DMD: variants seen among roughly 807,000 people sequenced by gnomAD.
DMD encodes mutant dystrophin.
A neutral mutation model predicts 330.1 loss-of-function variants in DMD; 63 were observed. The ratio of observed to expected loss-of-function variants is 0.19; its 90% CI spans 0.16 to 0.24. The LOEUF (loss-of-function observed/expected upper bound fraction) is 0.24. Among genes scored for constraint, DMD ranks in the 10% least tolerant of loss-of-function variants. DMD has a pLI of 1.00. For missense variants in DMD, 3,344 were observed against 2,684.1 expected, an observed-to-expected ratio of 1.25 and a Z score of -5.43; for synonymous variants, 1,223 against 959.8, an observed-to-expected ratio of 1.27 and a Z score of -5.07.
At chrX:32,751,765 TTTG>T (rs1404436316) in intron 7 of DMD, among the ~76,000 whole-genome samples, 2 of 111,720 alleles carry the variant, frequency 1.8e-5, no homozygotes, top group Non-Finnish European at 3.8e-5. Flanking sequence ...AAAAAATGGT[TTTG>T]TGGGCTAGGC....
intron 55 of DMD, among the ~76,000 whole-genome samples, chrX:31,521,677 T>C (rs2072777237): frequency 1.8e-5 from 2 of 111,907 alleles, no homozygotes; most frequent in African/African-American, 6.5e-5. Flanking sequence ...AAGGCAGGGG[T>C]AGAAAAGCTG....
At chrX:32,635,232 GTATAGGTGATAGAATATTGCCT>G (rs1569354498) in intron 11 of DMD, among the ~76,000 whole-genome samples, 2 of 111,429 alleles carry the variant, frequency 1.8e-5, no homozygotes, top group Admixed American at 1.9e-4. Flanking sequence ...GGGAGAGCTG[GTATAGGTGATAGAATATTGCCT>G]TTACTACCCT....
intron 34 of DMD, among the ~76,000 whole-genome samples, chrX:32,370,284 A>T (rs2097870117): frequency 9.2e-6 from 1 of 108,461 alleles, no homozygotes; most frequent in Admixed American, 9.9e-5. Flanking sequence ...ACACAATCTA[A>T]CATGTCTTAA....
At chrX:31,641,396 G>T (rs184377505) in intron 54 of DMD, among the ~76,000 whole-genome samples, 132 of 108,656 alleles carry the variant, frequency 1.2e-3, no homozygotes, top group African/African-American at 4.1e-3. Context: ...CCAGCCACTC[G>T]GGAGGCTGAG....
chrX:31,463,310 GTTCT>G (rs886088185), intron 59 of DMD, among the ~76,000 whole-genome samples: 3 of 111,699 alleles, frequency 2.7e-5, no homozygotes, highest in African/African-American at 9.7e-5. Flanking sequence ...TTATGAAAAA[GTTCT>G]TTCTTAGGCC....
intron 62 of DMD, among the ~76,000 whole-genome samples, chrX:31,275,451 T>C (rs928348885): frequency 9.0e-6 from 1 of 111,068 alleles, no homozygotes; most frequent in Non-Finnish European, 1.9e-5. Context: ...TGAGTTAATA[T>C]GAACAAGACC....
intron 26 of DMD, among the ~76,000 whole-genome samples, chrX:32,453,429 A>G (rs1329337859): frequency 2.7e-5 from 3 of 111,153 alleles, no homozygotes; most frequent in Non-Finnish European, 3.8e-5. Flanking sequence ...GGAGTATATT[A>G]GATATTTACT....
chrX:31,544,382 C>G (rs896343479), intron 55 of DMD, among the ~76,000 whole-genome samples: 3 of 109,592 alleles, frequency 2.7e-5, no homozygotes, highest in African/African-American at 1.0e-4. Context: ...AATATGGCAG[C>G]TTGGTATTTG....
In DMD at chrX:32,717,462, C is replaced by A. The variant is rs745530662; in HGVS notation, c.650-18169G>T. ...AGTGTGCAGAGTGTGAGAGTTGAGG[C>A]TTGAGAGCATCCACCTAGATTTCAG... is the stretch of plus-strand genomic sequence containing the variant. On this transcript the variant is annotated intron_variant, in intron 7 of 78. Transcript: ENST00000357033. Among the ~76,000 whole-genome samples, 3 of 111,807 alleles carry A rather than the reference C, an allele frequency of 2.7e-5. No homozygotes were observed. The East Asian group carries it at 8.5e-4, about 32-fold the overall frequency.
intron 12 of DMD, among the ~76,000 whole-genome samples, chrX:32,608,345 C>T (rs900928922): frequency 1.3e-4 from 14 of 110,462 alleles, no homozygotes; most frequent in Non-Finnish European, 1.7e-4. Context: ...CATACTACTA[C>T]GTAGACTATA....
At chrX:33,131,198 C>T (rs1401051853) in intron 1 of DMD, among the ~76,000 whole-genome samples, 1 of 110,999 alleles carries the variant, frequency 9.0e-6, no homozygotes, top group Non-Finnish European at 1.9e-5. Context: ...GCTGCGGCTG[C>T]TGCTGCTGCT....
intron 1 of DMD, among the ~76,000 whole-genome samples, chrX:33,260,866 T>G (rs1338343957): frequency 1.8e-5 from 2 of 111,604 alleles, no homozygotes; most frequent in African/African-American, 6.5e-5. Flanking sequence ...TAAACAGTCA[T>G]TGATTCAATT....
intron 1 of DMD, among the ~76,000 whole-genome samples, chrX:33,045,308 AGGTGCGT>A (rs1569551356): frequency 1.5e-4 from 14 of 93,065 alleles, no homozygotes; most frequent in African/African-American, 5.5e-4. Flanking sequence ...ACACACACAC[AGGTGCGT>A]ACACACACAC....
chrX:33,227,541 T>G (rs1438628058), intron 1 of DMD, among the ~76,000 whole-genome samples: 1 of 111,102 alleles, frequency 9.0e-6, no homozygotes, highest in Admixed American at 9.6e-5. Context: ...GAGCACGTGA[T>G]TATATGAAAG....
In DMD at chrX:33,235,748, C is replaced by A. The variant is rs144264739; in HGVS notation, c.7+103511G>T. 3.7e-3 allele frequency among the ~76,000 whole-genome samples: 410 copies of A among 109,635 alleles called. 1 individual carries two copies. The highest frequency in any genetic ancestry group is 0.013 in the African/African-American group (396 of 30,145). On this transcript the variant is annotated intron_variant, in intron 1 of 17. Transcript: ENST00000288447. ...ATCCCAGATAGCCTGATCCAAGAGC[C>A]TGTACCCTTAGAATATAATCTGCTC...
intron 1 of DMD, among the ~76,000 whole-genome samples, chrX:33,233,597 A>G (rs773474904): frequency 1.0e-3 from 113 of 112,589 alleles, no homozygotes; most frequent in Non-Finnish European, 1.9e-3. Context: ...TGAAATGACA[A>G]AATTATAGAC....
At chrX:32,836,219 A>G (rs1383407246) in intron 4 of DMD, among the ~76,000 whole-genome samples, 1 of 107,498 alleles carries the variant, frequency 9.3e-6, no homozygotes, top group Non-Finnish European at 1.9e-5. Context: ...TTTAGTAGAG[A>G]CGGGGTTTTG....
At chrX:31,863,751 T>C (rs951212809) in intron 48 of DMD, among the ~76,000 whole-genome samples, 2 of 111,653 alleles carry the variant, frequency 1.8e-5, no homozygotes, top group Non-Finnish European at 3.8e-5. Context: ...CTTAGAGCCT[T>C]GTAGTCACAG....
At chrX:31,351,595 G>A (rs2058415950) in intron 60 of DMD, among the ~76,000 whole-genome samples, 1 of 107,879 alleles carries the variant, frequency 9.3e-6, no homozygotes, top group Non-Finnish European at 1.9e-5. Flanking sequence ...GTGTGGTGGT[G>A]GGCATCTGTA....
Sources: allele counts gnomAD v4.1 joint callset (sites outside exome capture counted in the v4.1 genomes callset), GRCh38; gene constraint gnomAD v4.1.1; transcripts MANE v1.5; gene names NCBI Gene and HGNC (gene_info 2026-07-23, HGNC 2026-07-21).